Variants in CTNND2 observed in about 807,000 individuals in gnomAD.
CTNND2 encodes the protein catenin delta 2.
CTNND2 carries 22 observed loss-of-function variants against 144.4 expected under a neutral mutation model. The observed-to-expected ratio is 0.15, with a 90% CI of 0.11 to 0.22. The LOEUF (loss-of-function observed/expected upper bound fraction) is 0.22, where lower values mean the gene tolerates loss of function less well. Among genes scored for constraint, CTNND2 ranks in the 10% least tolerant of loss-of-function variants. The pLI, the probability that CTNND2 is intolerant of heterozygous loss-of-function variation, is 1.00. For missense variants in CTNND2, 1,353 were observed against 1,618.8 expected, an observed-to-expected ratio of 0.84 and a Z score of 2.82; for synonymous variants, 751 against 695.6, an observed-to-expected ratio of 1.08 and a Z score of -1.25.
chr5:11,102,945 G>A (rs74796037), intron 14 of CTNND2, among the ~76,000 whole-genome samples: 72 of 144,632 alleles, frequency 5.0e-4, no homozygotes, highest in Middle Eastern at 3.5e-3. Flanking sequence ...TTGCTTCCAT[G>A]CAGGGCTTAA....
chr5:11,249,850 C>CA lies in CTNND2; in HGVS notation c.1629-13028dup, dbSNP rs1458960360. On this transcript the variant is annotated intron_variant, in intron 9 of 21. Coordinates refer to ENST00000304623, the MANE Select transcript of CTNND2 (RefSeq NM_001332.4). ...GATCTACAGTCATTAGTGTCCATGT[C>CA]AAAAAAAAAAACCAAAACACACTCA... Among the ~76,000 whole-genome samples, 766 of 141,468 alleles carry CA rather than the reference C, an allele frequency of 5.4e-3. 1 individual carries two copies. Among genetic ancestry groups the CA allele is most frequent in the African/African-American group, 0.017 (642 of 38,852 alleles). The allele number at this position is 141,468 out of a possible 152,430, so 92.8% of individuals were successfully genotyped here. A position where few individuals can be genotyped will look rare whatever the true frequency, so the allele number is the denominator to read the frequency against.
At chr5:11,467,282 T>C (rs1766770070) in intron 3 of CTNND2, among the ~76,000 whole-genome samples, 3 of 152,234 alleles carry the variant, frequency 2.0e-5, no homozygotes, top group Non-Finnish European at 4.4e-5. Context: ...CGCTATGTGC[T>C]TGCTTCATCT....
chr5:11,368,013 T>C (rs570438160), intron 7 of CTNND2, among the ~76,000 whole-genome samples: 1 of 152,330 alleles, frequency 6.6e-6, no homozygotes, highest in African/African-American at 2.4e-5. Flanking sequence ...AGGGCAAAAC[T>C]GGGGCCTAGA....
intron 9 of CTNND2, among the ~76,000 whole-genome samples, chr5:11,305,449 C>T (rs1312538749): frequency 1.3e-5 from 2 of 152,228 alleles, no homozygotes; most frequent in African/African-American, 2.4e-5. Context: ...CTTGTCCCTG[C>T]AGCCATTTCC....
chr5:11,346,923 A>G (rs1754856799), intron 8 of CTNND2, among the ~76,000 whole-genome samples: 1 of 139,310 alleles, frequency 7.2e-6, no homozygotes, highest in Non-Finnish European at 1.6e-5. Flanking sequence ...AACTTTGTGC[A>G]TAAGAAGAAA....
chr5:11,797,233 C>T, intron 1 of CTNND2, among the ~76,000 whole-genome samples: 1 of 152,204 alleles, frequency 6.6e-6, no homozygotes, highest in East Asian at 1.9e-4. Flanking sequence ...GATCACCGAT[C>T]ATTTCGGTGT....
At chr5:11,742,788 G>A (rs974412682) in intron 1 of CTNND2, among the ~76,000 whole-genome samples, 11 of 151,986 alleles carry the variant, frequency 7.2e-5, no homozygotes, top group Non-Finnish European at 1.3e-4. Flanking sequence ...CTCCTACTAC[G>A]TATAATTGAA....
At chr5:11,107,134 C>A (rs1207483748) in intron 14 of CTNND2, among the ~76,000 whole-genome samples, 1 of 152,086 alleles carries the variant, frequency 6.6e-6, no homozygotes, top group Non-Finnish European at 1.5e-5. Context: ...AGGATATATG[C>A]CCAGATGTAA....
Position 11,384,658 on chromosome 5 carries a change from C to T in CTNND2, c.1177+7G>A. On this transcript the variant is annotated splice_region_variant and intron_variant, in intron 7 of 21. Transcript: ENST00000304623. The surrounding 1 kb of genome is among the most constrained non-coding windows in gnomAD (Gnocchi z 5.2). ...GTGAGTCGCGCCAGGTGGCAGCGAG[C>T]CTTTACCTGCCAGGCTGCCCGGCCT... 6.3e-7 allele frequency: 1 copy of T among 1,595,698 alleles called. No homozygotes were observed. The highest frequency in any genetic ancestry group is 8.5e-7 in the Non-Finnish European group (1 of 1,176,432).
At chr5:11,644,481 T>C (rs1782240836) in intron 2 of CTNND2, among the ~76,000 whole-genome samples, 1 of 152,242 alleles carries the variant, frequency 6.6e-6, no homozygotes, top group Admixed American at 6.5e-5. Flanking sequence ...AAGACCATCC[T>C]GGTTAACACA....
intron 2 of CTNND2, among the ~76,000 whole-genome samples, chr5:11,691,590 A>G (rs969585130): frequency 3.3e-5 from 5 of 151,940 alleles, no homozygotes; most frequent in African/African-American, 1.2e-4. Context: ...ATTTTAAAAG[A>G]AACTTTAAAT....
intron 1 of CTNND2, among the ~76,000 whole-genome samples, chr5:11,881,660 G>A (rs1736125535): frequency 6.6e-6 from 1 of 151,832 alleles, no homozygotes; most frequent in Non-Finnish European, 1.5e-5. Context: ...CATTTAGGCT[G>A]ATATCATATA....
chr5:11,182,442 G>C lies in CTNND2; in HGVS notation c.1975+17006C>G, dbSNP rs1457813253. 2.6e-5 allele frequency among the ~76,000 whole-genome samples: 4 copies of C among 152,070 alleles called. No homozygotes were observed. In the East Asian group the frequency reaches 7.7e-4, roughly 29 times the overall value. Reference sequence around the variant, plus strand: ...TTAGTGACTTAGTTTTTGGAGGAGAGGGATGGATGTGAGACACTTGGTTTT... The same window carrying C: ...TTAGTGACTTAGTTTTTGGAGGAGACGGATGGATGTGAGACACTTGGTTTT... On this transcript the variant is annotated intron_variant, in intron 11 of 21. Coordinates refer to ENST00000304623, the MANE Select transcript of CTNND2 (RefSeq NM_001332.4).
rs190400824 is a variant in CTNND2, at chr5:11,031,877, C to T, written c.2789-8898G>A. ...CACTGGTTTGACAGGGGCTTTTGGGCCTTCGGCCACAGACTGAAGGCTGCA... is the reference window on the plus strand; with the variant it reads ...CACTGGTTTGACAGGGGCTTTTGGGTCTTCGGCCACAGACTGAAGGCTGCA... On this transcript the variant is annotated intron_variant, in intron 16 of 21. Coordinates refer to ENST00000304623, the MANE Select transcript of CTNND2 (RefSeq NM_001332.4). Among the ~76,000 whole-genome samples the T allele has an allele frequency of 2.6e-5, 4 of 152,324 alleles. No individual in the cohort carries two copies. The East Asian group carries it at 7.7e-4, about 29-fold the overall frequency.
chr5:11,770,924 G>A (rs1789897065), intron 1 of CTNND2, among the ~76,000 whole-genome samples: 1 of 152,054 alleles, frequency 6.6e-6, no homozygotes, highest in African/African-American at 2.4e-5. Context: ...AGTTTCAGTT[G>A]CTTTCTGATA....
chr5:11,028,671 A>G (rs1743118115), intron 16 of CTNND2, among the ~76,000 whole-genome samples: 1 of 152,144 alleles, frequency 6.6e-6, no homozygotes, highest in Non-Finnish European at 1.5e-5. Flanking sequence ...AATGTTCTTA[A>G]GGTTCATCCA....
intron 18 of CTNND2, among the ~76,000 whole-genome samples, chr5:10,998,848 A>C (rs182045543): frequency 3.6e-4 from 55 of 152,386 alleles, no homozygotes; most frequent in Admixed American, 3.4e-3. Context: ...AAATGTGCGT[A>C]GGTTATATGC....
In CTNND2 at chr5:11,110,850, T is replaced by C. The variant is rs776631799; in HGVS notation, c.2463+8A>G. ...TAATTGCATGCAGCTGCAAGCAGCC[T>C]GCATCACCTGATCTTGGGATTTCTT... On this transcript the variant is annotated splice_region_variant and intron_variant, in intron 14 of 21. Coordinates refer to ENST00000304623, the MANE Select transcript of CTNND2 (RefSeq NM_001332.4). 10 of 1,609,504 alleles carry C rather than the reference T, an allele frequency of 6.2e-6. No homozygotes were observed. The highest frequency in any genetic ancestry group is 1.3e-5 in the African/African-American group (1 of 74,900).
intron 2 of CTNND2, among the ~76,000 whole-genome samples, chr5:11,667,862 T>C (rs986309262): frequency 1.3e-5 from 2 of 152,204 alleles, no homozygotes; most frequent in Non-Finnish European, 2.9e-5. Context: ...CAGAATGGTA[T>C]TGCCTAGGTT....
Sources: gnomAD v4.1 joint callset for allele counts (sites outside exome capture counted in the v4.1 genomes callset) on GRCh38, gnomAD v4.1.1 for gene constraint, Gnocchi (gnomAD v3.1) non-coding constraint, MANE v1.5 for transcripts, NCBI Gene and HGNC (gene_info 2026-07-23, HGNC 2026-07-21) for gene names.